The following PALM2AKAP2 variants were observed in gnomAD, a reference collection of about 807,000 sequenced individuals.
The protein encoded by PALM2AKAP2 is PALM2-AKAP2 fusion protein.
PALM2AKAP2 carries 37 observed loss-of-function variants against 71.5 expected under a neutral mutation model. The observed-to-expected ratio is 0.52, with a 90% CI of 0.40 to 0.68. PALM2AKAP2 has a LOEUF of 0.68. Ranked by LOEUF, PALM2AKAP2 falls within the 30% of genes least tolerant of loss-of-function variation. PALM2AKAP2 has a pLI of 0.00. For synonymous variants in PALM2AKAP2, 468 were observed against 478.8 expected (o/e 0.98, Z 0.29); for missense variants, 1,224 against 1,191.8 (o/e 1.03, Z -0.40).
chr9:109,686,612 CATTTATTT>C (rs34286921), intron 1 of PALM2AKAP2, among the ~76,000 whole-genome samples: 2 of 151,520 alleles, frequency 1.3e-5, no homozygotes, highest in African/African-American at 4.9e-5. Context: ...TTTGTTGTTC[CATTTATTT>C]ATTTATTTAT....
At chr9:110,058,577 T>G (rs1833894589) in intron 1 of PALM2AKAP2, among the ~76,000 whole-genome samples, 2 of 152,238 alleles carry the variant, frequency 1.3e-5, no homozygotes, top group East Asian at 3.9e-4. Flanking sequence ...AATGAATAAT[T>G]GGTAAAGGGA....
intron 1 of PALM2AKAP2, among the ~76,000 whole-genome samples, chr9:110,104,468 G>A (rs1835070300): frequency 6.6e-6 from 1 of 152,128 alleles, no homozygotes; most frequent in African/African-American, 2.4e-5. Context: ...TGAAAAATAA[G>A]CATTAGCACC....
chr9:109,916,839 C>T (rs1045044506), intron 3 of PALM2AKAP2, among the ~76,000 whole-genome samples: 2 of 152,332 alleles, frequency 1.3e-5, no homozygotes, highest in East Asian at 3.9e-4. Context: ...CTCAGACATA[C>T]TATTGCCCCT....
chr9:109,882,612 T>G (rs188406713), intron 3 of PALM2AKAP2, among the ~76,000 whole-genome samples: 7 of 152,232 alleles, frequency 4.6e-5, no homozygotes, highest in Admixed American at 4.6e-4. Context: ...TAGGATAAAA[T>G]TAGTTACATG....
chr9:109,931,845 C>A, intron 5 of PALM2AKAP2, 82 bp from the exon 6 acceptor site: 1 of 1,482,518 alleles, frequency 6.7e-7, no homozygotes, highest in Non-Finnish European at 9.3e-7. Flanking sequence ...TTATGTAGGG[C>A]AGACAAGCTG....
intron 1 of PALM2AKAP2, among the ~76,000 whole-genome samples, chr9:109,732,584 A>G (rs1431545003): frequency 6.6e-6 from 1 of 152,200 alleles, no homozygotes; most frequent in Non-Finnish European, 1.5e-5. Context: ...CATTCAACAC[A>G]TGGATATTTG....
intron 3 of PALM2AKAP2, among the ~76,000 whole-genome samples, chr9:110,157,547 T>C (rs749995663): frequency 1.5e-4 from 23 of 152,118 alleles, no homozygotes; most frequent in Admixed American, 3.3e-4. Context: ...CACACGCGTA[T>C]GCCACCATAC....
upstream of PALM2AKAP2, among the ~76,000 whole-genome samples, chr9:110,046,452 A>G (rs1344900713): frequency 1.3e-5 from 2 of 149,026 alleles, no homozygotes; most frequent in Non-Finnish European, 3.0e-5. Context: ...TAAAGTTGGT[A>G]TGATTGCTTT....
At chr9:109,815,541 G>T (rs1827831018) in intron 1 of PALM2AKAP2, among the ~76,000 whole-genome samples, 1 of 152,154 alleles carries the variant, frequency 6.6e-6, no homozygotes, top group Non-Finnish European at 1.5e-5. Context: ...GACAGAAACA[G>T]GGGGGTAGGT....
upstream of PALM2AKAP2, among the ~76,000 whole-genome samples, chr9:110,046,657 G>A (rs148848972): frequency 1.9e-3 from 293 of 152,064 alleles, 1 homozygote; most frequent in African/African-American, 6.8e-3. Flanking sequence ...TAGTAGAGAC[G>A]AGGTTTCTCT....
At chr9:109,885,748 T>C (rs1829949963) in intron 3 of PALM2AKAP2, among the ~76,000 whole-genome samples, 1 of 152,142 alleles carries the variant, frequency 6.6e-6, no homozygotes, top group Non-Finnish European at 1.5e-5. Flanking sequence ...AGCTGAAGTC[T>C]CTCCTCCATA....
At chr9:109,812,513 G>A (rs1587929128) in intron 1 of PALM2AKAP2, among the ~76,000 whole-genome samples, 2 of 152,268 alleles carry the variant, frequency 1.3e-5, no homozygotes, top group South Asian at 4.1e-4. Flanking sequence ...GGAAAGGAAG[G>A]GGCAGAAGAA....
chr9:109,779,647 G>C (rs1829401810), upstream of PALM2AKAP2, among the ~76,000 whole-genome samples: 1 of 152,188 alleles, frequency 6.6e-6, no homozygotes, highest in South Asian at 2.1e-4. Context: ...TTCTTTTAAG[G>C]CCACATATCG....
chr9:109,643,071 G>GAGAAAGAA (rs145807993), intron 1 of PALM2AKAP2, among the ~76,000 whole-genome samples: 69 of 149,992 alleles, frequency 4.6e-4, no homozygotes, highest in Non-Finnish European at 8.0e-4. Context: ...AAGAAAGAAA[G>GAGAAAGAA]AGAAAGAAAG....
At chr9:109,802,748 G>A (rs1320003031) in intron 1 of PALM2AKAP2, among the ~76,000 whole-genome samples, 1 of 152,166 alleles carries the variant, frequency 6.6e-6, no homozygotes, top group Non-Finnish European at 1.5e-5. Flanking sequence ...CCACACCTAG[G>A]TGCAAAGAAA....
chr9:109,875,735 C>G (rs972680979), intron 2 of PALM2AKAP2, among the ~76,000 whole-genome samples: 14 of 152,140 alleles, frequency 9.2e-5, no homozygotes, highest in African/African-American at 2.9e-4. Context: ...ATGGGTGGGT[C>G]CTGGAATCTG....
intron 1 of PALM2AKAP2, among the ~76,000 whole-genome samples, chr9:109,722,125 T>C (rs527518418): frequency 2.2e-4 from 33 of 152,362 alleles, no homozygotes; most frequent in Non-Finnish European, 4.6e-4. Context: ...GGAAGTGATT[T>C]AACTGTCCAT....
At chr9:109,975,955 A>C (rs1013890669) in intron 6 of PALM2AKAP2, among the ~76,000 whole-genome samples, 1 of 152,250 alleles carries the variant, frequency 6.6e-6, no homozygotes, top group African/African-American at 2.4e-5. Flanking sequence ...TATTTTAATA[A>C]TGCAGTATTT....
intron 4 of PALM2AKAP2, among the ~76,000 whole-genome samples, chr9:109,924,568 C>T (rs1830909335): frequency 6.6e-6 from 1 of 152,134 alleles, no homozygotes. Context: ...CCACTGCACT[C>T]CAGCCTGGGC....
Sources: gnomAD v4.1 joint callset for allele counts (sites outside exome capture counted in the v4.1 genomes callset) on GRCh38, gnomAD v4.1.1 for gene constraint, MANE v1.5 for transcripts, NCBI Gene and HGNC (gene_info 2026-07-23, HGNC 2026-07-21) for gene names.